SGMS1: variants seen among roughly 807,000 people sequenced by gnomAD.
SGMS1 encodes phosphatidylcholine:ceramide cholinephosphotransferase 1.
In SGMS1, 13 loss-of-function variants were observed where a neutral mutation model predicts 46.2. That is an observed-to-expected ratio of 0.28 (90% CI 0.18 to 0.45). SGMS1 has a LOEUF of 0.45. SGMS1 is among the 20% of genes least tolerant of loss of function. The pLI, the probability that SGMS1 is intolerant of heterozygous loss-of-function variation, is 1.00. For synonymous variants in SGMS1, 203 were observed against 187.8 expected, an observed-to-expected ratio of 1.08 and a Z score of -0.66; for missense variants, 324 against 519.9, an observed-to-expected ratio of 0.62 and a Z score of 3.66.
intron 8 of SGMS1, among the ~76,000 whole-genome samples, chr10:50,321,620 T>G (rs1847446272): frequency 6.6e-6 from 1 of 151,918 alleles, no homozygotes; most frequent in African/African-American, 2.4e-5. Flanking sequence ...CAGCAGAAAA[T>G]TATCCAAAAT....
intron 3 of SGMS1, among the ~76,000 whole-genome samples, chr10:50,495,072 AC>A (rs145779434): frequency 0.23 from 19,355 of 83,446 alleles, 2,713 homozygotes; most frequent in Non-Finnish European, 0.34. Flanking sequence ...TACAAAAAAT[AC>A]AAAAAAAAAA....
chr10:50,527,556 C>T (rs1837914970), intron 2 of SGMS1, among the ~76,000 whole-genome samples: 1 of 152,156 alleles, frequency 6.6e-6, no homozygotes. Flanking sequence ...CACCTAGCCA[C>T]TTGATACGCT....
intron 6 of SGMS1, among the ~76,000 whole-genome samples, chr10:50,431,010 A>G (rs1849399144): frequency 1.3e-5 from 2 of 152,162 alleles, no homozygotes; most frequent in Admixed American, 1.3e-4. Flanking sequence ...CTTCTATACA[A>G]GGGATGTTTG....
At chr10:50,338,069 T>A (rs1050996710) in intron 7 of SGMS1, among the ~76,000 whole-genome samples, 1 of 152,094 alleles carries the variant, frequency 6.6e-6, no homozygotes, top group African/African-American at 2.4e-5. Context: ...CCATGGCAGG[T>A]CCCAAGCAGG....
intron 6 of SGMS1, among the ~76,000 whole-genome samples, chr10:50,360,039 C>T (rs550731003): frequency 1.3e-5 from 2 of 152,168 alleles, no homozygotes; most frequent in East Asian, 3.9e-4. Context: ...CCCAAACATA[C>T]TCTATGTTTT....
intron 6 of SGMS1, among the ~76,000 whole-genome samples, chr10:50,414,970 G>A (rs1471529245): frequency 6.6e-6 from 1 of 152,176 alleles, no homozygotes; most frequent in East Asian, 1.9e-4. Context: ...CACGTAGCAC[G>A]TTATTAAATG....
intron 6 of SGMS1, among the ~76,000 whole-genome samples, chr10:50,389,170 T>C (rs576585296): frequency 6.6e-6 from 1 of 152,348 alleles, no homozygotes; most frequent in South Asian, 2.1e-4. Context: ...CTCCCAAGAA[T>C]ACTATGGGTA....
chr10:50,414,594 T>C (rs1849143899), intron 6 of SGMS1, among the ~76,000 whole-genome samples: 1 of 152,236 alleles, frequency 6.6e-6, no homozygotes, highest in East Asian at 1.9e-4. Flanking sequence ...TCCTTCAACA[T>C]CTTCAACAGC....
intron 3 of SGMS1, among the ~76,000 whole-genome samples, chr10:50,477,682 G>C (rs1003516346): frequency 2.0e-5 from 3 of 152,134 alleles, no homozygotes; most frequent in Non-Finnish European, 4.4e-5. Flanking sequence ...TCATGGGTGT[G>C]GTTTCTAATG....
intron 6 of SGMS1, among the ~76,000 whole-genome samples, chr10:50,353,076 T>A (rs1848050991): frequency 6.6e-6 from 1 of 152,216 alleles, no homozygotes; most frequent in East Asian, 1.9e-4. Flanking sequence ...GAATCCTCCC[T>A]AACTCATTTG....
chr10:50,608,793 T>G (rs1838720277), intron 1 of SGMS1, among the ~76,000 whole-genome samples: 1 of 152,122 alleles, frequency 6.6e-6, no homozygotes, highest in African/African-American at 2.4e-5. Context: ...CACCCCTCAG[T>G]AACTCAGGAG....
At chr10:50,587,247 C>T (rs1257719308) in intron 2 of SGMS1, among the ~76,000 whole-genome samples, 1 of 151,774 alleles carries the variant, frequency 6.6e-6, no homozygotes, top group African/African-American at 2.4e-5. Flanking sequence ...TGGAGATTTG[C>T]AACACTTTGA....
chr10:50,415,929 GA>G (rs1460452133), intron 6 of SGMS1, among the ~76,000 whole-genome samples: 6 of 152,164 alleles, frequency 3.9e-5, no homozygotes, highest in Non-Finnish European at 8.8e-5. Flanking sequence ...TGACACGCAA[GA>G]GGAAAATGCA....
chr10:50,321,637 T>C (rs1022016122), intron 8 of SGMS1, among the ~76,000 whole-genome samples: 5 of 152,198 alleles, frequency 3.3e-5, no homozygotes, highest in African/African-American at 4.8e-5. Context: ...AAATCAAGCA[T>C]TGACAATTTA....
At chr10:50,501,944 G>T (rs1837665251) in intron 3 of SGMS1, among the ~76,000 whole-genome samples, 1 of 152,166 alleles carries the variant, frequency 6.6e-6, no homozygotes, top group Admixed American at 6.5e-5. Flanking sequence ...GTCCATCATT[G>T]TTGTATGTTT....
At chr10:50,527,063 CAAAAAAAAAAA>C (rs573386594) in intron 2 of SGMS1, among the ~76,000 whole-genome samples, 12 of 90,804 alleles carry the variant, frequency 1.3e-4, no homozygotes, top group South Asian at 4.1e-4. Flanking sequence ...GACTCTGTCT[CAAAAAAAAAAA>C]AAAAAAAAAA....
At chr10:50,397,449 C>T (rs570285946) in intron 6 of SGMS1, among the ~76,000 whole-genome samples, 26 of 152,176 alleles carry the variant, frequency 1.7e-4, no homozygotes, top group Non-Finnish European at 2.9e-4. Flanking sequence ...GAGGAGAAGG[C>T]GTGCAAGGCA....
At chr10:50,403,491 G>C (rs1848969612) in intron 6 of SGMS1, among the ~76,000 whole-genome samples, 2 of 152,124 alleles carry the variant, frequency 1.3e-5, no homozygotes, top group South Asian at 4.2e-4. Flanking sequence ...CTCTATTTCT[G>C]CTCATCCTCT....
At chr10:50,449,707 CTTCT>C (rs760224468) in intron 5 of SGMS1, among the ~76,000 whole-genome samples, 10 of 151,712 alleles carry the variant, frequency 6.6e-5, no homozygotes, top group Non-Finnish European at 1.2e-4. Context: ...ATCCACTTCT[CTTCT>C]TTATTTTTTG....
Sources: gnomAD v4.1 joint callset for allele counts (sites outside exome capture counted in the v4.1 genomes callset) on GRCh38, gnomAD v4.1.1 for gene constraint, MANE v1.5 for transcripts, NCBI Gene and HGNC (gene_info 2026-07-23, HGNC 2026-07-21) for gene names.